The following USP31 variants were observed in gnomAD, a reference collection of about 807,000 sequenced individuals.
USP31 encodes the protein ubiquitin carboxyl-terminal hydrolase 31.
Under a neutral mutation model 119.4 loss-of-function variants are expected in USP31, and 44 were observed. The observed-to-expected ratio is 0.37, with a 90% CI of 0.29 to 0.47. The LOEUF is 0.47. USP31 is among the 20% of genes least tolerant of loss of function. The pLI is 0.99. For synonymous variants in USP31, 749 were observed against 705.6 expected (o/e 1.06, Z -0.97); for missense variants, 1,643 against 1,730.2 (o/e 0.95, Z 0.89).
At chr16:23,095,153 T>C (rs1459267714) in intron 6 of USP31, among the ~76,000 whole-genome samples, 8 of 152,098 alleles carry the variant, frequency 5.3e-5, no homozygotes, top group Admixed American at 5.2e-4. Context: ...AGAGCTTAAA[T>C]GACCTGATGG....
At chr16:23,070,841 C>G (rs965910735) in intron 15 of USP31, among the ~76,000 whole-genome samples, 1 of 151,992 alleles carries the variant, frequency 6.6e-6, no homozygotes, top group African/African-American at 2.4e-5. Flanking sequence ...TTACAAAATT[C>G]TGTCTTTATA....
chr16:23,079,964 G>C lies in USP31; in HGVS notation c.2158C>G (p.Gln720Glu). 1 of 1,612,252 alleles carries C rather than the reference G, an allele frequency of 6.2e-7. No homozygotes were observed. Among genetic ancestry groups the C allele is most frequent in the Non-Finnish European group, 8.5e-7 (1 of 1,179,248 alleles). The change falls in exon 13 of 16, where the codon CAA becomes GAA. Residue 720 changes from glutamine (Q) to glutamate (E), a missense_variant. By Grantham distance (29) the Gln-to-Glu change is conservative (BLOSUM62 2). This residue lies in a region of USP31 where 279 missense variants were observed against 372.2 expected (regional missense o/e 0.75). Coordinates refer to ENST00000219689, the MANE Select transcript of USP31 (RefSeq NM_020718.4). Reference protein sequence around the residue: ...YAVCNHHGTMQGGHYTAYCKN... With the variant: ...YAVCNHHGTMEGGHYTAYCKN... ...TGCAGACCTGTGTAGTGCCCCCCTT[G>C]CATGGTGCCATGGTGATTGCACACA...
In USP31 at chr16:23,085,787, GT is replaced by G. The variant is rs375351992; in HGVS notation, c.1623-126del. ...GTGATTAATGAAAATCTTCATCATA[GT>G]TCCCCATCAGAAAAAAGTTTTCAGC... On this transcript the variant is annotated intron_variant, in intron 9 of 15. Transcript: ENST00000219689. The G allele has an allele frequency of 8.9e-3, 7,758 of 872,402 alleles. 151 individuals carry two copies. The highest frequency in any genetic ancestry group is 0.051 in the South Asian group (3,067 of 59,726). 54.0% of individuals were successfully genotyped at this position (872,402 alleles called of 1,614,324 possible).
At chr16:23,095,545 G>C (rs1256108781) in intron 6 of USP31, among the ~76,000 whole-genome samples, 1 of 152,144 alleles carries the variant, frequency 6.6e-6, no homozygotes, top group African/African-American at 2.4e-5. Context: ...ACACATAATT[G>C]TCAGATTCAC....
At chr16:23,073,370 T>C (rs1900424155) in intron 14 of USP31, among the ~76,000 whole-genome samples, 1 of 152,196 alleles carries the variant, frequency 6.6e-6, no homozygotes, top group South Asian at 2.1e-4. Context: ...TTATAGATGA[T>C]TGCTATGTGG....
intron 1 of USP31, among the ~76,000 whole-genome samples, chr16:23,113,405 A>G (rs1330633780): frequency 2.6e-5 from 4 of 152,318 alleles, no homozygotes; most frequent in African/African-American, 9.6e-5. Context: ...GAACACTGGA[A>G]AAGGTCACGG....
intron 6 of USP31, among the ~76,000 whole-genome samples, chr16:23,101,687 G>A (rs775637341): frequency 3.9e-4 from 59 of 152,064 alleles, no homozygotes; most frequent in Non-Finnish European, 7.1e-4. Context: ...AAAAGAAGAG[G>A]AGCCCTAAGA....
chr16:23,131,341 T>C (rs990864664), intron 1 of USP31, among the ~76,000 whole-genome samples: 4 of 152,166 alleles, frequency 2.6e-5, no homozygotes, highest in African/African-American at 7.2e-5. Flanking sequence ...TTTAGTTTTG[T>C]AGACACAGGA....
At chr16:23,081,891 A>T (rs1900845102) in intron 12 of USP31, among the ~76,000 whole-genome samples, 1 of 152,192 alleles carries the variant, frequency 6.6e-6, no homozygotes, top group Non-Finnish European at 1.5e-5. Flanking sequence ...CATCTTTCAG[A>T]TACAAACTAA....
chr16:23,064,054 G>A lies in USP31; in HGVS notation c.*3992C>T, dbSNP rs1899966807. 1 of 152,562 alleles carries A rather than the reference G, an allele frequency of 6.6e-6. No individual in the cohort carries two copies. The highest frequency in any genetic ancestry group is 2.1e-4 in the South Asian group (1 of 4,830). The allele number at this position is 152,562 out of a possible 1,614,324, so 9.5% of individuals were successfully genotyped here. A position where few individuals can be genotyped will look rare whatever the true frequency, so the allele number is the denominator to read the frequency against. On this transcript the variant is annotated 3_prime_UTR_variant, in exon 16 of 16. Transcript: ENST00000219689. ...CTACTTTTTGTGTTCGTTTGTGATA[G>A]GTACTGGTTTGTCAGCAAAGTTTGC...
In USP31 at chr16:23,080,245, G is replaced by T. The variant is rs1355811091; in HGVS notation, c.1951-74C>A. On this transcript the variant is annotated intron_variant, in intron 12 of 15. Transcript: ENST00000219689. ...ATGGCAGATCACTTTAGAGGGGAAT[G>T]TGGATCCTATCAGACAAAGCGGTGT... The T allele has an allele frequency of 3.8e-6, 5 of 1,315,576 alleles. No individual in the cohort carries two copies. In the African/African-American group the frequency reaches 6.0e-5, roughly 16 times the overall value. 81.5% of individuals were successfully genotyped at this position (1,315,576 alleles called of 1,614,324 possible).
At chr16:23,126,166 AG>A (rs1438863132) in intron 1 of USP31, among the ~76,000 whole-genome samples, 1 of 151,576 alleles carries the variant, frequency 6.6e-6, no homozygotes, top group Non-Finnish European at 1.5e-5. Context: ...AAAAAAAAAA[AG>A]TTTTAATTAG....
chr16:23,137,504 T>C (rs1473775083), intron 1 of USP31, among the ~76,000 whole-genome samples: 1 of 152,124 alleles, frequency 6.6e-6, no homozygotes, highest in Non-Finnish European at 1.5e-5. Context: ...TAATGTTTTA[T>C]GATTTATATG....
intron 1 of USP31, among the ~76,000 whole-genome samples, chr16:23,127,520 TG>T (rs1902898371): frequency 6.6e-6 from 1 of 152,140 alleles, no homozygotes; most frequent in African/African-American, 2.4e-5. Context: ...TGGAGTGTAG[TG>T]GCACGATCTC....
At chr16:23,114,228 T>G (rs1265501229) in intron 1 of USP31, among the ~76,000 whole-genome samples, 1 of 152,070 alleles carries the variant, frequency 6.6e-6, no homozygotes, top group African/African-American at 2.4e-5. Context: ...GAGGTAAAGA[T>G]AGTCCTGCAT....
At chr16:23,144,868 C>T (rs1159217388) in intron 1 of USP31, among the ~76,000 whole-genome samples, 1 of 152,120 alleles carries the variant, frequency 6.6e-6, no homozygotes, top group Non-Finnish European at 1.5e-5. Flanking sequence ...ATCAATTTGC[C>T]AGAGTTACCT....
chr16:23,149,297 G>A lies in USP31; in HGVS notation c.-27C>T, dbSNP rs7404955. 2.9e-6 allele frequency: 3 copies of A among 1,045,110 alleles called. No individual in the cohort carries two copies. In the South Asian group the frequency reaches 1.3e-4, roughly 46 times the overall value. 64.7% of individuals were successfully genotyped at this position (1,045,110 alleles called of 1,614,324 possible). The stretch of plus-strand genomic sequence containing the variant: ...GCGGCGGCCGCAGACACTCATCACC[G>A]CGCCCGCCCGCCCGGCCCGCGGCCC... On this transcript the variant is annotated 5_prime_UTR_variant, in exon 1 of 16. Transcript: ENST00000219689.
intron 11 of USP31, among the ~76,000 whole-genome samples, chr16:23,082,827 C>CTTTTT (rs1200485986): frequency 8.3e-6 from 1 of 120,334 alleles, no homozygotes; most frequent in Non-Finnish European, 1.9e-5. Context: ...CTTTCTTTCT[C>CTTTTT]TCTCTTTTTT....
intron 1 of USP31, among the ~76,000 whole-genome samples, chr16:23,138,963 A>G (rs1236949027): frequency 6.6e-6 from 1 of 152,180 alleles, no homozygotes; most frequent in African/African-American, 2.4e-5. Context: ...CCTTGAGGGC[A>G]TGGGCCACTT....
Sources: allele counts gnomAD v4.1 joint callset (sites outside exome capture counted in the v4.1 genomes callset), GRCh38; gene constraint gnomAD v4.1.1; regional missense constraint gnomAD v4.1.1; transcripts MANE v1.5; gene names NCBI Gene and HGNC (gene_info 2026-07-23, HGNC 2026-07-21).